DLGAP1: variants seen among roughly 807,000 people sequenced by gnomAD.
The protein encoded by DLGAP1 is disks large-associated protein 1.
Under a neutral mutation model 90.8 loss-of-function variants are expected in DLGAP1, and 11 were observed. That is an observed-to-expected ratio of 0.12 (90% CI 0.08 to 0.20). The LOEUF is 0.20. DLGAP1 is among the 10% of genes least tolerant of loss of function. The pLI is 1.00. For synonymous variants in DLGAP1, 558 were observed against 540.7 expected, an observed-to-expected ratio of 1.03 and a Z score of -0.44; for missense variants, 1,050 against 1,333.8, an observed-to-expected ratio of 0.79 and a Z score of 3.31.
intron 1 of DLGAP1, among the ~76,000 whole-genome samples, chr18:4,356,544 T>A (rs1379537743): frequency 6.6e-6 from 1 of 152,196 alleles, no homozygotes; most frequent in African/African-American, 2.4e-5. Flanking sequence ...ATGCATCATG[T>A]CCAATCCATC....
chr18:4,102,087 A>G (rs1157603014), intron 2 of DLGAP1, among the ~76,000 whole-genome samples: 2 of 152,186 alleles, frequency 1.3e-5, no homozygotes, highest in Non-Finnish European at 2.9e-5. Flanking sequence ...GCTTTAACAT[A>G]TACCAATGTA....
chr18:3,998,672 G>C (rs1248653123), intron 3 of DLGAP1, among the ~76,000 whole-genome samples: 1 of 152,026 alleles, frequency 6.6e-6, no homozygotes. Context: ...AATTCAAGTA[G>C]AGGACTTTTT....
intron 1 of DLGAP1, among the ~76,000 whole-genome samples, chr18:4,441,230 C>G (rs1035826126): frequency 1.3e-5 from 2 of 152,102 alleles, no homozygotes; most frequent in Non-Finnish European, 2.9e-5. Context: ...CAATGGGCAG[C>G]AGGGAGCTGA....
Position 3,499,500 on chromosome 18 carries a change from G to GACCACC in DLGAP1, c.2725-107_2725-106insGGTGGT. ...AACACACAGTTTTTTACCTAGGGGT[G>GACCACC]GTTAGTTCTGATCTGCACACTGCAT... On this transcript the variant is annotated intron_variant, in intron 12 of 12. Transcript: ENST00000315677. This position sits in a 1 kb window ranked among gnomAD's most constrained non-coding sequence, Gnocchi z 6.4. 8.3e-7 allele frequency: 1 copy of GACCACC among 1,207,242 alleles called. No homozygotes were observed. Among genetic ancestry groups the GACCACC allele is most frequent in the Non-Finnish European group, 1.2e-6 (1 of 861,944 alleles). 74.8% of individuals were successfully genotyped at this position (1,207,242 alleles called of 1,614,324 possible).
intron 7 of DLGAP1, among the ~76,000 whole-genome samples, chr18:3,678,029 T>A (rs1172914997): frequency 6.6e-6 from 1 of 150,562 alleles, no homozygotes; most frequent in African/African-American, 2.5e-5. Flanking sequence ...TGGTGCAATC[T>A]TGGCTCACTG....
intron 1 of DLGAP1, among the ~76,000 whole-genome samples, chr18:4,177,181 CTGTT>C (rs1384895176): frequency 6.6e-6 from 1 of 152,154 alleles, no homozygotes; most frequent in African/African-American, 2.4e-5. Flanking sequence ...TAGCTAGTGA[CTGTT>C]TGATTCTTCA....
intron 7 of DLGAP1, among the ~76,000 whole-genome samples, chr18:3,640,536 C>T (rs1480513846): frequency 6.6e-6 from 1 of 152,218 alleles, no homozygotes; most frequent in Non-Finnish European, 1.5e-5. Context: ...AAACCAAGCA[C>T]GTGGAGACAC....
chr18:3,571,857 G>A (rs536608571), intron 8 of DLGAP1, among the ~76,000 whole-genome samples: 6 of 152,186 alleles, frequency 3.9e-5, no homozygotes, highest in African/African-American at 1.2e-4. Flanking sequence ...TGTAAGGTAA[G>A]TTTTTATATT....
At chr18:3,765,693 G>T (rs768693856) in intron 5 of DLGAP1, among the ~76,000 whole-genome samples, 13 of 152,014 alleles carry the variant, frequency 8.6e-5, no homozygotes, top group Admixed American at 2.0e-4. Flanking sequence ...AATTAGCCAG[G>T]CGTGGTGGCA....
intron 10 of DLGAP1, among the ~76,000 whole-genome samples, chr18:3,524,268 T>C (rs2051456063): frequency 6.6e-6 from 1 of 151,766 alleles, no homozygotes; most frequent in Non-Finnish European, 1.5e-5. Context: ...AAGTGAGACC[T>C]TGTTTCAATT....
At chr18:4,104,780 C>T (rs906109930) in intron 2 of DLGAP1, among the ~76,000 whole-genome samples, 1 of 152,120 alleles carries the variant, frequency 6.6e-6, no homozygotes, top group Admixed American at 6.6e-5. Context: ...AGGGGTTGGT[C>T]CTGGTGACTC....
intron 1 of DLGAP1, among the ~76,000 whole-genome samples, chr18:4,425,920 C>G (rs866346358): frequency 2.0e-5 from 3 of 152,128 alleles, no homozygotes; most frequent in African/African-American, 4.8e-5. Context: ...TCCTTGAGGG[C>G]AGGAATCCTA....
In DLGAP1 at chr18:4,407,036, G is replaced by A. The variant is rs149157938; in HGVS notation, c.-267+47970C>T. Among the ~76,000 whole-genome samples, 31 of 152,278 alleles carry A rather than the reference G, an allele frequency of 2.0e-4. No individual in the cohort carries two copies. In the East Asian group the frequency reaches 5.8e-3, roughly 28 times the overall value. On this transcript the variant is annotated intron_variant, in intron 1 of 12. Coordinates refer to ENST00000315677, the MANE Select transcript of DLGAP1 (RefSeq NM_004746.4). Reference sequence around the variant, plus strand: ...TGCACTCTCCTGTCACATTAAGTTAGATTTTTGTTAGTTGCTGAACCATGA... The same window carrying A: ...TGCACTCTCCTGTCACATTAAGTTAAATTTTTGTTAGTTGCTGAACCATGA...
chr18:3,546,178 G>T (rs1014318916), intron 9 of DLGAP1, among the ~76,000 whole-genome samples: 2 of 152,046 alleles, frequency 1.3e-5, no homozygotes, highest in South Asian at 2.1e-4. Context: ...AACCTCAGCA[G>T]TTGGGAAGCT....
chr18:3,882,626 G>T lies in DLGAP1; in HGVS notation c.-72-2486C>A, dbSNP rs112453495. Among the ~76,000 whole-genome samples, 989 of 151,988 alleles carry T rather than the reference G, an allele frequency of 6.5e-3. 13 individuals carry two copies. Among genetic ancestry groups the T allele is most frequent in the African/African-American group, 0.023 (934 of 41,452 alleles). On this transcript the variant is annotated intron_variant, in intron 3 of 12. Coordinates refer to ENST00000315677, the MANE Select transcript of DLGAP1 (RefSeq NM_004746.4). ...TGAGTGAAGGACCCCAGACCTAATA[G>T]CTCAGCCTCAGGGAAAAGTCACTCA...
intron 3 of DLGAP1, among the ~76,000 whole-genome samples, chr18:3,976,150 C>T (rs1046214114): frequency 1.3e-5 from 2 of 151,200 alleles, no homozygotes; most frequent in East Asian, 1.9e-4. Context: ...AGTTTGAGAC[C>T]AGCCTGACCA....
In DLGAP1 at chr18:4,073,540, GA is replaced by G. The variant is rs555683496; in HGVS notation, c.-158-68340del. ...CGGAGGATAATGAAGGGGGAAAAAA[GA>G]GGTAGAAGCATATCTAAGAGTTCTG... On this transcript the variant is annotated intron_variant, in intron 2 of 12. Transcript: ENST00000315677. 7.3e-4 allele frequency among the ~76,000 whole-genome samples: 111 copies of G among 152,288 alleles called. 1 individual carries two copies. Among genetic ancestry groups the G allele is most frequent in the African/African-American group, 2.6e-3 (108 of 41,580 alleles).
intron 7 of DLGAP1, among the ~76,000 whole-genome samples, chr18:3,702,820 T>G (rs1040442776): frequency 6.6e-6 from 1 of 152,034 alleles, no homozygotes; most frequent in East Asian, 1.9e-4. Flanking sequence ...TTGAGGAGAA[T>G]GACAGGCTCG....
chr18:3,636,010 C>G (rs1366551700), intron 7 of DLGAP1, among the ~76,000 whole-genome samples: 1 of 151,484 alleles, frequency 6.6e-6, no homozygotes, highest in Non-Finnish European at 1.5e-5. Flanking sequence ...ATTCAAATTC[C>G]TTGAGGGGAT....
Sources: gnomAD v4.1 joint callset for allele counts (sites outside exome capture counted in the v4.1 genomes callset) on GRCh38, gnomAD v4.1.1 for gene constraint, Gnocchi (gnomAD v3.1) non-coding constraint, MANE v1.5 for transcripts, NCBI Gene and HGNC (gene_info 2026-07-23, HGNC 2026-07-21) for gene names.